Variants in KCNT2 observed in about 807,000 individuals in gnomAD.
KCNT2 encodes potassium channel subfamily T member 2.
In KCNT2, 67 loss-of-function variants were observed where a neutral mutation model predicts 153.8. That is an observed-to-expected ratio of 0.44 (90% CI 0.36 to 0.53). The LOEUF is 0.53. Among genes scored for constraint, KCNT2 ranks in the 20% least tolerant of loss-of-function variants. The probability of loss-of-function intolerance (pLI) is 0.00; values close to 1 mark genes in which losing one functional copy is unlikely to be tolerated. For missense variants in KCNT2, 975 were observed against 1,354.8 expected, an observed-to-expected ratio of 0.72 and a Z score of 4.40; for synonymous variants, 500 against 458.8, an observed-to-expected ratio of 1.09 and a Z score of -1.15.
At chr1:196,487,665 A>G (rs1679542456) in intron 3 of KCNT2, among the ~76,000 whole-genome samples, 1 of 152,022 alleles carries the variant, frequency 6.6e-6, no homozygotes, top group Non-Finnish European at 1.5e-5. Flanking sequence ...TGATCATCAA[A>G]TATTTAAGAG....
At chr1:196,371,084 A>T (rs576431929) in intron 14 of KCNT2, among the ~76,000 whole-genome samples, 6 of 152,000 alleles carry the variant, frequency 3.9e-5, no homozygotes, top group Admixed American at 2.6e-4. Flanking sequence ...GTATTACCAA[A>T]TATACTAAAA....
chr1:196,560,887 C>T (rs1659291292), intron 1 of KCNT2, among the ~76,000 whole-genome samples: 1 of 151,844 alleles, frequency 6.6e-6, no homozygotes, highest in Admixed American at 6.6e-5. Context: ...CTTTGTAGTA[C>T]CTTAATAGAT....
intron 8 of KCNT2, among the ~76,000 whole-genome samples, chr1:196,435,904 G>C (rs574574918): frequency 6.6e-6 from 1 of 151,746 alleles, no homozygotes; most frequent in Admixed American, 6.6e-5. Flanking sequence ...AAATTGTTTA[G>C]AGGGGAATTT....
intron 1 of KCNT2, among the ~76,000 whole-genome samples, chr1:196,496,800 T>C (rs1356369093): frequency 6.6e-6 from 1 of 152,162 alleles, no homozygotes; most frequent in East Asian, 1.9e-4. Context: ...TCAATACTCA[T>C]GCTACGATCA....
chr1:196,508,409 G>A (rs1230682369), intron 1 of KCNT2, among the ~76,000 whole-genome samples: 3 of 151,900 alleles, frequency 2.0e-5, no homozygotes, highest in African/African-American at 7.2e-5. Context: ...TTCTGCCCTA[G>A]GAAGATAAGA....
intron 25 of KCNT2, among the ~76,000 whole-genome samples, chr1:196,275,375 C>A (rs1362653057): frequency 7.2e-6 from 1 of 138,878 alleles, no homozygotes; most frequent in Non-Finnish European, 1.5e-5. Flanking sequence ...GACTGATTTT[C>A]CAGCCACTGT....
intron 5 of KCNT2, among the ~76,000 whole-genome samples, chr1:196,476,941 A>G (rs1678586475): frequency 6.6e-6 from 1 of 152,094 alleles, no homozygotes; most frequent in Non-Finnish European, 1.5e-5. Context: ...ATGACCTCCT[A>G]ATTTGTAAAC....
At chr1:196,399,840 C>G (rs1572313816) in intron 12 of KCNT2, among the ~76,000 whole-genome samples, 1 of 151,788 alleles carries the variant, frequency 6.6e-6, no homozygotes, top group East Asian at 2.0e-4. Context: ...TCCCTCGCTT[C>G]TTCAGCCATG....
chr1:196,544,810 CT>C (rs1210291588), intron 1 of KCNT2, among the ~76,000 whole-genome samples: 1 of 152,122 alleles, frequency 6.6e-6, no homozygotes, highest in Admixed American at 6.6e-5. Flanking sequence ...CGAGCTTGCA[CT>C]TTCATGTCTT....
intron 1 of KCNT2, among the ~76,000 whole-genome samples, chr1:196,575,578 C>A (rs1191627194): frequency 6.6e-6 from 1 of 150,632 alleles, no homozygotes; most frequent in Non-Finnish European, 1.5e-5. Flanking sequence ...TATGAGAGAT[C>A]TAACATATAT....
chr1:196,234,577 C>T (rs1272240786), intron 27 of KCNT2, among the ~76,000 whole-genome samples: 1 of 151,206 alleles, frequency 6.6e-6, no homozygotes, highest in African/African-American at 2.4e-5. Flanking sequence ...CTAACCCATC[C>T]TATCAGTCAA....
chr1:196,562,832 C>T (rs1334821462), intron 1 of KCNT2, among the ~76,000 whole-genome samples: 3 of 151,776 alleles, frequency 2.0e-5, no homozygotes, highest in East Asian at 3.9e-4. Flanking sequence ...TACCTGAATA[C>T]CCAATAAAAT....
chr1:196,501,015 C>T (rs79612697), intron 1 of KCNT2, among the ~76,000 whole-genome samples: 4,639 of 152,172 alleles, frequency 0.03, 240 homozygotes, highest in African/African-American at 0.11. Context: ...CCACCTTATA[C>T]CAGTAAGAAT....
At chr1:196,425,704 G>A (rs1673598998) in intron 11 of KCNT2, 148 bp downstream of exon 11, 2 of 726,866 alleles carry the variant, frequency 2.8e-6, no homozygotes, top group African/African-American at 3.6e-5. Context: ...CTTTTAGTTT[G>A]GCCAGCAGAG....
At chr1:196,469,694 T>C (rs1297049407) in intron 5 of KCNT2, among the ~76,000 whole-genome samples, 1 of 152,124 alleles carries the variant, frequency 6.6e-6, no homozygotes, top group Non-Finnish European at 1.5e-5. Context: ...ATTCAACTAA[T>C]CACGAGGACC....
At chr1:196,493,081 A>G (rs1558004744) in intron 1 of KCNT2, among the ~76,000 whole-genome samples, 1 of 152,156 alleles carries the variant, frequency 6.6e-6, no homozygotes. Context: ...TCTCCCTTTG[A>G]TAAGGCACAA....
intron 13 of KCNT2, among the ~76,000 whole-genome samples, chr1:196,391,407 C>A (rs1009416710): frequency 6.6e-6 from 1 of 151,458 alleles, no homozygotes; most frequent in South Asian, 2.1e-4. Context: ...AACTACTTGG[C>A]AGACTAAATA....
chr1:196,353,385 TAAG>T (rs1418044822), intron 14 of KCNT2, among the ~76,000 whole-genome samples: 4 of 151,854 alleles, frequency 2.6e-5, no homozygotes, highest in Admixed American at 6.6e-5. Context: ...TATAGAAGGG[TAAG>T]AAGATTAGCA....
At chr1:196,371,375 T>C (rs1668519653) in intron 14 of KCNT2, among the ~76,000 whole-genome samples, 1 of 151,936 alleles carries the variant, frequency 6.6e-6, no homozygotes, top group Non-Finnish European at 1.5e-5. Context: ...TGTAGGGTGA[T>C]GCTAAAGGGT....
Sources: allele counts gnomAD v4.1 joint callset (sites outside exome capture counted in the v4.1 genomes callset), GRCh38; gene constraint gnomAD v4.1.1; transcripts MANE v1.5; gene names NCBI Gene and HGNC (gene_info 2026-07-23, HGNC 2026-07-21).